COLEC12: variants seen among roughly 807,000 people sequenced by gnomAD.
COLEC12 encodes collectin-12.
COLEC12 carries 33 observed loss-of-function variants against 71.1 expected under a neutral mutation model. The observed-to-expected ratio is 0.46, with a 90% CI of 0.35 to 0.62. COLEC12 has a LOEUF of 0.62. COLEC12 is among the 20% of genes least tolerant of loss of function. The pLI, the probability that COLEC12 is intolerant of heterozygous loss-of-function variation, is 0.00. For missense variants in COLEC12, 765 were observed against 916.1 expected (o/e 0.84, Z 2.13); for synonymous variants, 350 against 353.0 (o/e 0.99, Z 0.10).
rs780378250 is a variant in COLEC12, at chr18:346,998, G to C, written c.624C>G (p.Asn208Lys). ...SHNVVIMNLN[N>K]LNLTQVQQRN... ...TCTGCTGCACCTGGGTCAGGTTCAG[G>C]TTGTTGAGGTTCATGATGACCACAT... Residue 208 changes from asparagine to lysine, a missense_variant, in exon 5 of 10, where the codon AAC (asparagine) becomes AAG (lysine). Asn to Lys is a moderately conservative substitution (Grantham distance 94, BLOSUM62 0). Coordinates refer to ENST00000400256, the MANE Select transcript of COLEC12 (RefSeq NM_130386.3). This position sits in a 1 kb window ranked among gnomAD's most constrained non-coding sequence, Gnocchi z 4.0. 5 of 1,614,192 alleles carry C rather than the reference G, an allele frequency of 3.1e-6. No individual in the cohort carries two copies. In the East Asian group the frequency reaches 6.7e-5, roughly 22 times the overall value.
rs151125417 is a variant in COLEC12, at chr18:473,957, A to G, written c.58+6750T>C. On this transcript the variant is annotated intron_variant, in intron 2 of 9. Transcript: ENST00000400256. ...CAGGATTCATAAGTGAATGAAAACC[A>G]GAGAGAGTGGGGAGGAGGAGTTATA... Among the ~76,000 whole-genome samples, 676 of 152,340 alleles carry G rather than the reference A, an allele frequency of 4.4e-3. 5 individuals are homozygous for G. Among genetic ancestry groups the G allele is most frequent in the African/African-American group, 0.015 (632 of 41,574 alleles).
chr18:455,796 C>G (rs1916859825), intron 2 of COLEC12, among the ~76,000 whole-genome samples: 1 of 152,136 alleles, frequency 6.6e-6, no homozygotes, highest in South Asian at 2.1e-4. Flanking sequence ...TGGCTTCCAG[C>G]TTCGTCCATG....
chr18:463,612 C>T (rs557537365), intron 2 of COLEC12, among the ~76,000 whole-genome samples: 1 of 152,212 alleles, frequency 6.6e-6, no homozygotes, highest in South Asian at 2.1e-4. Context: ...CCCCACCTGA[C>T]CCTTCGGATC....
intron 2 of COLEC12, among the ~76,000 whole-genome samples, chr18:378,184 G>A (rs940876037): frequency 7.9e-5 from 12 of 152,064 alleles, no homozygotes; most frequent in Non-Finnish European, 1.6e-4. Flanking sequence ...GTTACTTGTG[G>A]GTGGAATCTC....
chr18:323,705 T>TCCC (rs1271976431), intron 8 of COLEC12, among the ~76,000 whole-genome samples: 5 of 152,194 alleles, frequency 3.3e-5, no homozygotes, highest in Admixed American at 2.0e-4. Context: ...GGGGTTTGAT[T>TCCC]CCATTTTTGT....
chr18:444,938 T>C (rs1916616989), intron 2 of COLEC12, among the ~76,000 whole-genome samples: 1 of 152,064 alleles, frequency 6.6e-6, no homozygotes, highest in Admixed American at 6.6e-5. Context: ...CTTGGTTTTT[T>C]ACGTTTCATG....
intron 3 of COLEC12, among the ~76,000 whole-genome samples, chr18:353,090 T>A (rs1914558325): frequency 6.6e-6 from 1 of 152,192 alleles, no homozygotes. Context: ...TAAAAGCACT[T>A]CGGTATCATC....
intron 2 of COLEC12, among the ~76,000 whole-genome samples, chr18:432,922 C>CT (rs1455029805): frequency 4.7e-4 from 71 of 152,290 alleles, no homozygotes; most frequent in African/African-American, 1.7e-3. Context: ...GTTCTTGTCT[C>CT]TTTTTTCACA....
In COLEC12 at chr18:331,809, A is replaced by G. The variant is rs773262049; in HGVS notation, c.1954-32T>C. ...AACAAAGCAGGGGTGGTGCGTGACTATTTTTCAGAACAGATGTCTCAGGCC... is the reference window on the plus strand; with the variant it reads ...AACAAAGCAGGGGTGGTGCGTGACTGTTTTTCAGAACAGATGTCTCAGGCC... On this transcript the variant is annotated intron_variant, in intron 7 of 9. Coordinates refer to ENST00000400256, the MANE Select transcript of COLEC12 (RefSeq NM_130386.3). 3.0e-5 allele frequency: 40 copies of G among 1,342,132 alleles called. 1 individual carries two copies. The South Asian group carries it at 3.7e-4, about 13-fold the overall frequency. 83.1% of individuals were successfully genotyped at this position (1,342,132 alleles called of 1,614,324 possible).
intron 7 of COLEC12, among the ~76,000 whole-genome samples, chr18:332,452 G>T (rs192450849): frequency 6.6e-6 from 1 of 152,172 alleles, no homozygotes; most frequent in Non-Finnish European, 1.5e-5. Context: ...AAACCTTGCC[G>T]GGCCTCAGTT....
chr18:480,971 C>T lies in COLEC12; in HGVS notation c.8-214G>A, dbSNP rs1917403755. 3.9e-5 allele frequency among the ~76,000 whole-genome samples: 6 copies of T among 152,122 alleles called. No individual in the cohort carries two copies. Among genetic ancestry groups the T allele is most frequent in the Admixed American group, 3.9e-4 (6 of 15,270 alleles). ...CACTTCCTCTGTTCCTAATGTGACT[C>T]CTTCGAATTCAGGTCTTAGCTAAAG... On this transcript the variant is annotated intron_variant, in intron 1 of 9. Transcript: ENST00000400256. This position sits in a 1 kb window ranked among gnomAD's most constrained non-coding sequence, Gnocchi z 4.1.
At chr18:370,662 C>T (rs554854780) in intron 2 of COLEC12, among the ~76,000 whole-genome samples, 24 of 152,288 alleles carry the variant, frequency 1.6e-4, no homozygotes, top group African/African-American at 5.3e-4. Flanking sequence ...AAGAGAGACC[C>T]TTCCATTAAG....
chr18:351,411 T>C (rs1293173415), intron 3 of COLEC12, among the ~76,000 whole-genome samples: 2 of 152,084 alleles, frequency 1.3e-5, no homozygotes, highest in Non-Finnish European at 2.9e-5. Context: ...AGTAGTCCTT[T>C]CTCTATTATG....
At chr18:338,455 G>A (rs1376287908) in intron 5 of COLEC12, among the ~76,000 whole-genome samples, 1 of 152,188 alleles carries the variant, frequency 6.6e-6, no homozygotes, top group Non-Finnish European at 1.5e-5. Context: ...TATAATCTCT[G>A]TATCAGGTGG....
At chr18:431,823 T>C (rs1241909404) in intron 2 of COLEC12, among the ~76,000 whole-genome samples, 4 of 152,180 alleles carry the variant, frequency 2.6e-5, no homozygotes, top group Non-Finnish European at 4.4e-5. Flanking sequence ...GCAGCAGCAG[T>C]AGTAATAATA....
intron 1 of COLEC12, among the ~76,000 whole-genome samples, chr18:494,410 C>T (rs1472096837): frequency 6.6e-6 from 1 of 150,544 alleles, no homozygotes; most frequent in Non-Finnish European, 1.5e-5. Flanking sequence ...CTATTACATA[C>T]TAGCCACCAT....
rs55912485 is a variant in COLEC12, at chr18:438,802, C to CAAA, written c.58+41902_58+41904dup. On this transcript the variant is annotated intron_variant, in intron 2 of 9. Transcript: ENST00000400256. ...TGGGCGACAGAATAAGACCTTGTCT[C>CAAA]AAAAAAAAAAAAAAAAATACTCATT... 5.8e-3 allele frequency among the ~76,000 whole-genome samples: 766 copies of CAAA among 132,678 alleles called. 5 individuals are homozygous for CAAA. Among genetic ancestry groups the CAAA allele is most frequent in the Middle Eastern group, 0.016 (4 of 254 alleles). The allele number at this position is 132,678 out of a possible 152,430, so 87.0% of individuals were successfully genotyped here.
chr18:324,693 G>GT (rs144800653), intron 8 of COLEC12, among the ~76,000 whole-genome samples: 39,994 of 151,856 alleles, frequency 0.26, 5,519 homozygotes, highest in African/African-American at 0.29. Context: ...GCCGGGCCTG[G>GT]TGGCAGGTGC....
chr18:344,781 C>T (rs753143202), intron 5 of COLEC12, among the ~76,000 whole-genome samples: 7 of 152,220 alleles, frequency 4.6e-5, no homozygotes, highest in Non-Finnish European at 7.3e-5. Flanking sequence ...ACATGTATTC[C>T]TATCTACTTC....
Sources: gnomAD v4.1 joint callset for allele counts (sites outside exome capture counted in the v4.1 genomes callset) on GRCh38, gnomAD v4.1.1 for gene constraint, Gnocchi (gnomAD v3.1) non-coding constraint, MANE v1.5 for transcripts, NCBI Gene and HGNC (gene_info 2026-07-23, HGNC 2026-07-21) for gene names.